ZMYND8: variants seen among roughly 807,000 people sequenced by gnomAD.
ZMYND8 encodes the protein MYND-type zinc finger-containing chromatin reader ZMYND8.
Under a neutral mutation model 140.8 loss-of-function variants are expected in ZMYND8, and 37 were observed. That is an observed-to-expected ratio of 0.26 (90% confidence interval 0.20 to 0.35). The LOEUF (loss-of-function observed/expected upper bound fraction) is 0.35, where lower values mean the gene tolerates loss of function less well. ZMYND8 is among the 10% of genes least tolerant of loss of function. The pLI is 1.00. For missense variants in ZMYND8, 1,068 were observed against 1,570.0 expected, an observed-to-expected ratio of 0.68 and a Z score of 5.40; for synonymous variants, 592 against 597.1, an observed-to-expected ratio of 0.99 and a Z score of 0.12.
chr20:47,276,374 C>G lies in ZMYND8; in HGVS notation c.1420G>C (p.Ala474Pro). The change falls in exon 11 of 23, where the codon GCC (alanine) becomes CCC (proline). Residue 474 changes from alanine (A) to proline (P), a missense_variant. This residue lies in a region of ZMYND8 where 173 missense variants were observed against 223.3 expected (regional missense o/e 0.77). Transcript: ENST00000471951. ...CTCGCACTGAAGTGGCTCGACGTGG[C>G]CTTCTTCTCAGCATCCTGCTCCACG... ...SDVEQDAEKK[A>P]TSSHFSASEE... 1 of 1,604,726 alleles carries G rather than the reference C, an allele frequency of 6.2e-7. No homozygotes were observed.
At chr20:47,281,023 T>C (rs1569085248) in intron 10 of ZMYND8, among the ~76,000 whole-genome samples, 1 of 152,230 alleles carries the variant, frequency 6.6e-6, no homozygotes. Context: ...CCCGCTAGGA[T>C]GTCAGCCTTC....
intron 1 of ZMYND8, among the ~76,000 whole-genome samples, chr20:47,355,167 A>G (rs889807966): frequency 2.6e-5 from 4 of 152,172 alleles, no homozygotes; most frequent in African/African-American, 9.7e-5. Flanking sequence ...ATCCAAACAA[A>G]CCCCATTAAA....
intron 14 of ZMYND8, among the ~76,000 whole-genome samples, chr20:47,241,967 G>C (rs935415908): frequency 6.6e-6 from 1 of 151,890 alleles, no homozygotes; most frequent in Non-Finnish European, 1.5e-5. Context: ...ACAGGTGCCC[G>C]CCACCATGCC....
chr20:47,216,916 G>T (rs1327412681), intron 21 of ZMYND8, among the ~76,000 whole-genome samples: 1 of 152,204 alleles, frequency 6.6e-6, no homozygotes, highest in Non-Finnish European at 1.5e-5. Flanking sequence ...TGCTTCTGAG[G>T]TTAGTGACCC....
At chr20:47,278,398 G>A (rs1414233575) in intron 10 of ZMYND8, among the ~76,000 whole-genome samples, 2 of 152,210 alleles carry the variant, frequency 1.3e-5, no homozygotes, top group Non-Finnish European at 2.9e-5. Context: ...AAGGGAGAAA[G>A]CAGTATCTAC....
At chr20:47,294,966 C>T (rs181349822) in intron 4 of ZMYND8, among the ~76,000 whole-genome samples, 187 bp from the exon 5 acceptor site, 20 of 152,260 alleles carry the variant, frequency 1.3e-4, no homozygotes, top group African/African-American at 3.4e-4. Context: ...TATTAAAAAG[C>T]GTATCAATCT....
At chr20:47,312,784 C>T (rs1245391477) in intron 2 of ZMYND8, among the ~76,000 whole-genome samples, 42 of 146,388 alleles carry the variant, frequency 2.9e-4, no homozygotes, top group Non-Finnish European at 4.3e-4. Flanking sequence ...AGCGAGACTC[C>T]GTCTCAAAAA....
intron 2 of ZMYND8, among the ~76,000 whole-genome samples, chr20:47,325,045 C>T (rs981504118): frequency 2.3e-4 from 35 of 152,272 alleles, no homozygotes; most frequent in African/African-American, 8.4e-4. Flanking sequence ...GCTGGGACTA[C>T]AGGCGTGCGC....
At chr20:47,284,481 T>A (rs2076802491) in intron 8 of ZMYND8, among the ~76,000 whole-genome samples, 1 of 152,166 alleles carries the variant, frequency 6.6e-6, no homozygotes, top group African/African-American at 2.4e-5. Flanking sequence ...GTGTCAGCAG[T>A]ACCAAGCTGA....
chr20:47,240,685 C>T (rs867512644), intron 14 of ZMYND8, among the ~76,000 whole-genome samples: 1 of 150,664 alleles, frequency 6.6e-6, no homozygotes, highest in Non-Finnish European at 1.5e-5. Flanking sequence ...CTCCCGACTA[C>T]GTGGGATTAC....
At chr20:47,327,149 T>C (rs1056419790) in intron 2 of ZMYND8, among the ~76,000 whole-genome samples, 2 of 152,006 alleles carry the variant, frequency 1.3e-5, no homozygotes, top group East Asian at 3.9e-4. Flanking sequence ...CCCTAGTAGC[T>C]GGAATTACAG....
chr20:47,246,381 T>C lies in ZMYND8; in HGVS notation c.1911A>G (p.Thr637=). Residue 637 remains threonine (T), a synonymous_variant, in exon 14 of 23, where the codon ACA becomes ACG. Transcript: ENST00000471951. ...CCATCTGACAACCTTCTTTGTCCTC[T>C]GTGTCTTCTGGCTCGTTCTTAGACT... ...EQKSKNEPED[T]EDKEGCQMDK... 2.5e-6 allele frequency: 4 copies of C among 1,614,130 alleles called. No individual in the cohort carries two copies. Among genetic ancestry groups the C allele is most frequent in the Non-Finnish European group, 3.4e-6 (4 of 1,179,998 alleles).
At chr20:47,348,573 C>G (rs145757148) in intron 1 of ZMYND8, 38 of 153,552 alleles carry the variant, frequency 2.5e-4, no homozygotes, top group Admixed American at 3.9e-4. Context: ...GCAGGCACGG[C>G]TTACTACTGA....
chr20:47,291,877 G>T lies in ZMYND8; in HGVS notation c.579C>A (p.Phe193Leu). ...GCTGTTCCAATGGAACGGGCTTCTG[G>T]AATGCATCTGTCTATAAAAGAGAAG... ...QKMKQPGTDA[F>L]QKPVPLEQHP... is the part of the protein sequence containing the mutation. Residue 193 changes from phenylalanine to leucine, a missense_variant, in exon 6 of 23, where the codon TTC becomes TTA. Coordinates refer to ENST00000471951, the MANE Select transcript of ZMYND8 (RefSeq NM_001281775.3). 1 of 1,612,336 alleles carries T rather than the reference G, an allele frequency of 6.2e-7. No homozygotes were observed. Among genetic ancestry groups the T allele is most frequent in the South Asian group, 1.1e-5 (1 of 90,674 alleles).
At chr20:47,254,043 C>T (rs2074398462) in intron 12 of ZMYND8, among the ~76,000 whole-genome samples, 1 of 152,236 alleles carries the variant, frequency 6.6e-6, no homozygotes, top group Non-Finnish European at 1.5e-5. Context: ...TTTGACTCCC[C>T]CCTCCTCCGC....
At chr20:47,262,120 A>C (rs565328362) in intron 12 of ZMYND8, among the ~76,000 whole-genome samples, 168 bp downstream of exon 12, 1 of 152,288 alleles carries the variant, frequency 6.6e-6, no homozygotes, top group East Asian at 1.9e-4. Flanking sequence ...GAAATCCCTT[A>C]CTTATTCTTT....
intron 10 of ZMYND8, among the ~76,000 whole-genome samples, chr20:47,277,307 G>A (rs566622518): frequency 5.9e-5 from 9 of 152,350 alleles, no homozygotes; most frequent in East Asian, 3.9e-4. Context: ...GCCTCCAGGC[G>A]TGCACTTTCC....
At chr20:47,282,050 G>T in intron 10 of ZMYND8, 52 bp downstream of exon 10, 2 of 1,446,342 alleles carry the variant, frequency 1.4e-6, no homozygotes, top group Admixed American at 1.9e-5. Context: ...TCTCATAACA[G>T]TATCAAAGTT....
chr20:47,303,179 G>C (rs2078203250), intron 3 of ZMYND8, among the ~76,000 whole-genome samples: 1 of 152,120 alleles, frequency 6.6e-6, no homozygotes, highest in African/African-American at 2.4e-5. Flanking sequence ...GTGCTAAAGA[G>C]GAGATGGGTG....
Sources: allele counts gnomAD v4.1 joint callset (sites outside exome capture counted in the v4.1 genomes callset), GRCh38; gene constraint gnomAD v4.1.1; regional missense constraint gnomAD v4.1.1; transcripts MANE v1.5; gene names NCBI Gene and HGNC (gene_info 2026-07-23, HGNC 2026-07-21).